Variants in NRG1 observed in about 807,000 individuals in gnomAD.
The protein encoded by NRG1 is pro-neuregulin-1, membrane-bound isoform.
A neutral mutation model predicts 63.8 loss-of-function variants in NRG1; 18 were observed. That is an observed-to-expected ratio of 0.28 (90% CI 0.19 to 0.42). The LOEUF (loss-of-function observed/expected upper bound fraction) is 0.42, where lower values mean the gene tolerates loss of function less well. NRG1 is among the 10% of genes least tolerant of loss of function. The probability of loss-of-function intolerance (pLI) is 1.00; values close to 1 mark genes in which losing one functional copy is unlikely to be tolerated. For missense variants in NRG1, 762 were observed against 814.7 expected, an observed-to-expected ratio of 0.94 and a Z score of 0.79; for synonymous variants, 302 against 301.3, an observed-to-expected ratio of 1.00 and a Z score of -0.02.
At chr8:32,700,945 G>A (rs1814704637) in intron 5 of NRG1, among the ~76,000 whole-genome samples, 1 of 151,910 alleles carries the variant, frequency 6.6e-6, no homozygotes, top group East Asian at 1.9e-4. Context: ...CTGCCTCTGG[G>A]TCTTCAAGCA....
intron 1 of NRG1, among the ~76,000 whole-genome samples, chr8:32,187,087 A>G (rs1470078704): frequency 6.6e-6 from 1 of 152,186 alleles, no homozygotes; most frequent in Non-Finnish European, 1.5e-5. Flanking sequence ...GCTTAACAGG[A>G]CATCCATGGC....
At chr8:31,928,636 CTA>C (rs71208153) in intron 1 of NRG1, among the ~76,000 whole-genome samples, 4,257 of 147,778 alleles carry the variant, frequency 0.029, 171 homozygotes, top group African/African-American at 0.097. Flanking sequence ...CCATGAAATA[CTA>C]TATATATATA....
At chr8:31,971,999 G>A (rs182904953) in intron 1 of NRG1, among the ~76,000 whole-genome samples, 1 of 152,122 alleles carries the variant, frequency 6.6e-6, no homozygotes, top group East Asian at 1.9e-4. Context: ...TTCCTTTAAG[G>A]ACACCAACTC....
At chr8:31,774,791 C>A (rs1336561173) in intron 1 of NRG1, among the ~76,000 whole-genome samples, 1 of 152,122 alleles carries the variant, frequency 6.6e-6, no homozygotes, top group Non-Finnish European at 1.5e-5. Flanking sequence ...ACAGACATTT[C>A]TCAAAAGAAG....
chr8:32,360,977 G>A (rs1164994764), intron 1 of NRG1, among the ~76,000 whole-genome samples: 1 of 152,166 alleles, frequency 6.6e-6, no homozygotes, highest in Non-Finnish European at 1.5e-5. Flanking sequence ...CATTTCAGAA[G>A]ATCCAGATTT....
chr8:31,783,413 C>T (rs768922015), intron 1 of NRG1, among the ~76,000 whole-genome samples: 2 of 152,038 alleles, frequency 1.3e-5, no homozygotes, highest in African/African-American at 4.8e-5. Flanking sequence ...TTGGAACACA[C>T]CTATCCAAAG....
intron 1 of NRG1, among the ~76,000 whole-genome samples, chr8:32,066,630 C>T (rs1434556009): frequency 6.6e-6 from 1 of 152,100 alleles, no homozygotes; most frequent in Non-Finnish European, 1.5e-5. Flanking sequence ...ATGATGCCTC[C>T]AGCTTTGTTC....
At chr8:32,247,459 T>C (rs1056972636) in intron 1 of NRG1, among the ~76,000 whole-genome samples, 1 of 152,150 alleles carries the variant, frequency 6.6e-6, no homozygotes, top group Non-Finnish European at 1.5e-5. Context: ...CTAATTCTTT[T>C]CAGCAACTTT....
intron 1 of NRG1, among the ~76,000 whole-genome samples, chr8:32,354,793 C>CTT (rs10569341): frequency 7.8e-5 from 11 of 141,530 alleles, no homozygotes; most frequent in East Asian, 4.1e-4. Context: ...AATGAAGCTG[C>CTT]TTTTTTTAAA....
At chr8:32,366,955 G>C (rs1337135316) in intron 1 of NRG1, among the ~76,000 whole-genome samples, 1 of 151,780 alleles carries the variant, frequency 6.6e-6, no homozygotes, top group Non-Finnish European at 1.5e-5. Flanking sequence ...CAGGTGATCT[G>C]CCTGCCTTGG....
intron 1 of NRG1, among the ~76,000 whole-genome samples, chr8:32,275,511 C>T (rs1852000512): frequency 6.6e-6 from 1 of 151,972 alleles, no homozygotes; most frequent in African/African-American, 2.4e-5. Flanking sequence ...AGTGAAAGGA[C>T]ATTAAGACGG....
intron 1 of NRG1, among the ~76,000 whole-genome samples, chr8:31,880,662 G>A (rs1830281450): frequency 6.6e-6 from 1 of 152,224 alleles, no homozygotes; most frequent in South Asian, 2.1e-4. Context: ...TCCACACAAA[G>A]TTAGGCAAAA....
chr8:32,752,849 A>G (rs2129051200), intron 7 of NRG1, among the ~76,000 whole-genome samples: 1 of 152,160 alleles, frequency 6.6e-6, no homozygotes. Flanking sequence ...GTTAATAATC[A>G]GTGCTATATT....
At chr8:32,502,035 C>T (rs1827914317) in intron 1 of NRG1, among the ~76,000 whole-genome samples, 1 of 152,162 alleles carries the variant, frequency 6.6e-6, no homozygotes, top group Non-Finnish European at 1.5e-5. Flanking sequence ...CAATACACTA[C>T]TGTATTAGTC....
intron 1 of NRG1, among the ~76,000 whole-genome samples, chr8:32,362,979 C>T (rs1172864197): frequency 1.3e-5 from 2 of 152,178 alleles, no homozygotes; most frequent in African/African-American, 2.4e-5. Flanking sequence ...AAGGATTGCA[C>T]GTGCCCTGTG....
intron 1 of NRG1, among the ~76,000 whole-genome samples, chr8:32,236,686 A>G (rs1443543838): frequency 6.6e-6 from 1 of 152,256 alleles, no homozygotes; most frequent in Non-Finnish European, 1.5e-5. Context: ...TTCATGGGGA[A>G]TAAGACCAAA....
intron 1 of NRG1, among the ~76,000 whole-genome samples, chr8:32,583,123 C>T (rs1292080010): frequency 1.3e-5 from 2 of 151,926 alleles, no homozygotes; most frequent in African/African-American, 4.8e-5. Context: ...TAATTTCGTG[C>T]CATCTAGATT....
intron 1 of NRG1, among the ~76,000 whole-genome samples, chr8:32,409,482 G>A (rs943623768): frequency 6.6e-6 from 1 of 152,158 alleles, no homozygotes; most frequent in Admixed American, 6.5e-5. Flanking sequence ...CATACAGGAT[G>A]GGTGAAAATA....
At chr8:32,162,006 G>A (rs550860517) in intron 1 of NRG1, among the ~76,000 whole-genome samples, 64 of 152,214 alleles carry the variant, frequency 4.2e-4, no homozygotes, top group African/African-American at 1.5e-3. Context: ...GATCATCTAG[G>A]CAATGTCTGT....
Sources: allele counts gnomAD v4.1 joint callset (sites outside exome capture counted in the v4.1 genomes callset), GRCh38; gene constraint gnomAD v4.1.1; transcripts MANE v1.5; gene names NCBI Gene and HGNC (gene_info 2026-07-23, HGNC 2026-07-21).